The following ROBO1 variants were observed in gnomAD, a reference collection of about 807,000 sequenced individuals.
The protein encoded by ROBO1 is roundabout homolog 1.
Under a neutral mutation model 195.9 loss-of-function variants are expected in ROBO1, and 149 were observed. The ratio of observed to expected loss-of-function variants is 0.76; its 90% confidence interval spans 0.67 to 0.87. The LOEUF (loss-of-function observed/expected upper bound fraction) is 0.87. ROBO1 is among the 40% of genes least tolerant of loss of function. The pLI, the probability that ROBO1 is intolerant of heterozygous loss-of-function variation, is 0.00. For missense variants in ROBO1, 1,933 were observed against 2,068.3 expected, an observed-to-expected ratio of 0.93 and a Z score of 1.27; for synonymous variants, 816 against 733.2, an observed-to-expected ratio of 1.11 and a Z score of -1.82.
chr3:79,488,528 A>G (rs1025649067), intron 2 of ROBO1, among the ~76,000 whole-genome samples: 3 of 152,186 alleles, frequency 2.0e-5, no homozygotes, highest in Non-Finnish European at 2.9e-5. Context: ...CCAGTGTGTG[A>G]TAAAACAACT....
intron 4 of ROBO1, among the ~76,000 whole-genome samples, chr3:78,789,012 A>C (rs2083936481): frequency 6.6e-6 from 1 of 152,196 alleles, no homozygotes; most frequent in Non-Finnish European, 1.5e-5. Flanking sequence ...CACTAATCTC[A>C]CATAGGCTGG....
intron 2 of ROBO1, among the ~76,000 whole-genome samples, chr3:79,232,662 C>T (rs563584563): frequency 6.6e-6 from 1 of 152,204 alleles, no homozygotes; most frequent in East Asian, 1.9e-4. Context: ...GATTATTCAA[C>T]TTTCCATCAG....
chr3:79,047,267 C>G (rs1446475778), intron 3 of ROBO1, among the ~76,000 whole-genome samples: 1 of 151,902 alleles, frequency 6.6e-6, no homozygotes, highest in African/African-American at 2.4e-5. Flanking sequence ...ACTGGGTAAT[C>G]TAGTTAAGGA....
At chr3:78,779,037 A>G (rs2083589756) in intron 4 of ROBO1, among the ~76,000 whole-genome samples, 1 of 152,218 alleles carries the variant, frequency 6.6e-6, no homozygotes, top group Admixed American at 6.5e-5. Context: ...TGGTGCTGGG[A>G]AAACGGGCAA....
intron 2 of ROBO1, among the ~76,000 whole-genome samples, chr3:79,406,240 C>T (rs1298340109): frequency 1.5e-5 from 2 of 134,110 alleles, no homozygotes; most frequent in African/African-American, 2.6e-5. Flanking sequence ...CATAGTGGAA[C>T]CCAATCTCAA....
intron 4 of ROBO1, among the ~76,000 whole-genome samples, chr3:78,920,016 C>T (rs922052452): frequency 2.0e-5 from 3 of 152,288 alleles, no homozygotes; most frequent in East Asian, 3.9e-4. Flanking sequence ...ACAATCCTAA[C>T]ATTGTACTGA....
At chr3:78,669,248 T>C (rs2107708978) in intron 11 of ROBO1, among the ~76,000 whole-genome samples, 1 of 152,314 alleles carries the variant, frequency 6.6e-6, no homozygotes, top group East Asian at 1.9e-4. Flanking sequence ...ATAACTATCT[T>C]CAAGTAACAT....
In ROBO1 at chr3:79,207,063, CTT is replaced by C. The variant is rs1348217183; in HGVS notation, c.89-81526_89-81525del. 2.0e-5 allele frequency among the ~76,000 whole-genome samples: 3 copies of C among 151,950 alleles called. No homozygotes were observed. The South Asian group carries it at 6.2e-4, about 31-fold the overall frequency. On this transcript the variant is annotated intron_variant, in intron 2 of 30. Coordinates refer to ENST00000464233, the MANE Select transcript of ROBO1 (RefSeq NM_002941.4). ...GTTCAGTAAGATTGAATCAGAGTCA[CTT>C]TTAACTTTAGATTATTGCATTACAT...
intron 2 of ROBO1, among the ~76,000 whole-genome samples, chr3:79,572,935 C>T (rs1418403690): frequency 1.3e-5 from 2 of 152,106 alleles, no homozygotes; most frequent in Non-Finnish European, 2.9e-5. Context: ...GTGGTGGGTG[C>T]AGCGTGGAGG....
intron 2 of ROBO1, among the ~76,000 whole-genome samples, chr3:79,387,803 G>C (rs4358266): frequency 6.6e-6 from 1 of 152,154 alleles, no homozygotes; most frequent in Non-Finnish European, 1.5e-5. Context: ...CTTTGCAATA[G>C]CAATATTATT....
At chr3:78,838,507 C>A (rs2032927818) in intron 4 of ROBO1, among the ~76,000 whole-genome samples, 1 of 152,152 alleles carries the variant, frequency 6.6e-6, no homozygotes, top group Non-Finnish European at 1.5e-5. Context: ...TGGTGACGGC[C>A]TCAGGCTGCT....
At chr3:79,340,105 C>T (rs2034847492) in intron 2 of ROBO1, among the ~76,000 whole-genome samples, 1 of 152,306 alleles carries the variant, frequency 6.6e-6, no homozygotes, top group Middle Eastern at 3.4e-3. Context: ...CTGCAGCACA[C>T]CCAGTCTCTG....
intron 2 of ROBO1, among the ~76,000 whole-genome samples, chr3:79,191,802 C>T (rs2081545450): frequency 6.6e-6 from 1 of 151,316 alleles, no homozygotes; most frequent in African/African-American, 2.4e-5. Context: ...GCACATTTAA[C>T]AATAAAATGT....
intron 2 of ROBO1, among the ~76,000 whole-genome samples, chr3:79,336,557 A>G (rs2034676646): frequency 6.6e-6 from 1 of 152,188 alleles, no homozygotes; most frequent in Non-Finnish European, 1.5e-5. Context: ...GGATGTATGG[A>G]AACACGTGGA....
At chr3:78,618,556 T>TA (rs1409355102) in intron 26 of ROBO1, among the ~76,000 whole-genome samples, 2 of 152,204 alleles carry the variant, frequency 1.3e-5, no homozygotes, top group South Asian at 2.1e-4. Context: ...TCATAAGATT[T>TA]AAAAAAGCAC....
chr3:79,094,868 C>G (rs2079539233), intron 3 of ROBO1, among the ~76,000 whole-genome samples: 1 of 147,314 alleles, frequency 6.8e-6, no homozygotes, highest in South Asian at 2.2e-4. Context: ...CCCTCCCTCC[C>G]TCCCTCTCTC....
chr3:79,021,650 G>A (rs2078103780), intron 3 of ROBO1, among the ~76,000 whole-genome samples: 1 of 110,554 alleles, frequency 9.0e-6, no homozygotes, highest in East Asian at 2.9e-4. Context: ...TCCTAGAGAT[G>A]ATTTTTTTTT....
chr3:78,784,148 A>G (rs1208372088), intron 4 of ROBO1, among the ~76,000 whole-genome samples: 1 of 152,162 alleles, frequency 6.6e-6, no homozygotes, highest in Non-Finnish European at 1.5e-5. Flanking sequence ...ACAAAACATT[A>G]ATAACTAGTC....
At chr3:79,599,756 A>G (rs1944285386) in intron 1 of ROBO1, among the ~76,000 whole-genome samples, 1 of 152,044 alleles carries the variant, frequency 6.6e-6, no homozygotes, top group African/African-American at 2.4e-5. Flanking sequence ...CACTTTAATT[A>G]CAGGGTTGCC....
Sources: gnomAD v4.1 joint callset for allele counts (sites outside exome capture counted in the v4.1 genomes callset) on GRCh38, gnomAD v4.1.1 for gene constraint, MANE v1.5 for transcripts, NCBI Gene and HGNC (gene_info 2026-07-23, HGNC 2026-07-21) for gene names.